RUNX2: variants seen among roughly 807,000 people sequenced by gnomAD.
The protein encoded by RUNX2 is RUNX family transcription factor 2, also known as runt-related transcription factor 2.
In RUNX2, 10 loss-of-function variants were observed where a neutral mutation model predicts 51.7. The observed-to-expected ratio is 0.19, with a 90% CI of 0.12 to 0.33. The LOEUF (loss-of-function observed/expected upper bound fraction) is 0.33, where lower values mean the gene tolerates loss of function less well. RUNX2 is among the 10% of genes least tolerant of loss of function. The pLI is 1.00. For synonymous variants in RUNX2, 276 were observed against 273.6 expected, an observed-to-expected ratio of 1.01 and a Z score of -0.09; for missense variants, 562 against 691.3, an observed-to-expected ratio of 0.81 and a Z score of 2.10.
chr6:45,364,075 A>G (rs1302333635), intron 2 of RUNX2, among the ~76,000 whole-genome samples: 1 of 151,570 alleles, frequency 6.6e-6, no homozygotes, highest in Non-Finnish European at 1.5e-5. Flanking sequence ...AGATTGTGCC[A>G]CTGCACTACA....
At chr6:45,449,652 C>T (rs1030918298) in intron 5 of RUNX2, among the ~76,000 whole-genome samples, 1 of 152,146 alleles carries the variant, frequency 6.6e-6, no homozygotes, top group Non-Finnish European at 1.5e-5. Flanking sequence ...GCAGTAGCAT[C>T]GCTGAATAGT....
At chr6:45,347,287 T>G (rs1052805392) in intron 2 of RUNX2, among the ~76,000 whole-genome samples, 1 of 152,188 alleles carries the variant, frequency 6.6e-6, no homozygotes, top group African/African-American at 2.4e-5. Context: ...ATGAATTCGA[T>G]TTCACTGATA....
At chr6:45,450,679 A>G (rs2150379772) in intron 5 of RUNX2, among the ~76,000 whole-genome samples, 1 of 152,302 alleles carries the variant, frequency 6.6e-6, no homozygotes, top group East Asian at 1.9e-4. Flanking sequence ...GCACAGACCT[A>G]AAGGGTGAGA....
intron 1 of RUNX2, 84 bp downstream of exon 1, chr6:45,328,544 C>A: frequency 3.2e-6 from 5 of 1,572,976 alleles, no homozygotes; most frequent in Non-Finnish European, 4.3e-6. Flanking sequence ...TGTTTCTTTG[C>A]TTTTCACATG....
intron 7 of RUNX2, among the ~76,000 whole-genome samples, chr6:45,516,504 C>T (rs985789452): frequency 6.6e-6 from 1 of 152,224 alleles, no homozygotes; most frequent in African/African-American, 2.4e-5. Flanking sequence ...ACCATACTTA[C>T]ATTGATACAT....
At chr6:45,360,000 T>C (rs1256359114) in intron 2 of RUNX2, among the ~76,000 whole-genome samples, 1 of 152,222 alleles carries the variant, frequency 6.6e-6, no homozygotes, top group East Asian at 1.9e-4. Context: ...TGAAAAAACA[T>C]TTAGCTTTCA....
intron 6 of RUNX2, among the ~76,000 whole-genome samples, chr6:45,498,991 C>T (rs1300598281): frequency 2.0e-5 from 3 of 152,024 alleles, no homozygotes; most frequent in Non-Finnish European, 4.4e-5. Context: ...TGGATGGACC[C>T]ATAAGAGGCT....
chr6:45,334,449 C>CTAA, intron 2 of RUNX2, among the ~76,000 whole-genome samples: 1 of 91,760 alleles, frequency 1.1e-5, no homozygotes, highest in African/African-American at 4.3e-5. Context: ...TCAGGAAAAG[C>CTAA]AAAAAAAAAA....
intron 2 of RUNX2, among the ~76,000 whole-genome samples, chr6:45,404,566 T>C (rs1210089509): frequency 6.6e-6 from 1 of 152,228 alleles, no homozygotes; most frequent in Non-Finnish European, 1.5e-5. Flanking sequence ...TTAACATGTA[T>C]TAATCGATTC....
intron 2 of RUNX2, among the ~76,000 whole-genome samples, chr6:45,340,299 G>C (rs2150128789): frequency 6.6e-6 from 1 of 152,102 alleles, no homozygotes; most frequent in East Asian, 1.9e-4. Context: ...AGTATATCAA[G>C]GAATAAGATT....
rs571770781 is a variant in RUNX2, at chr6:45,417,047, CAG to C, written c.59-5545_59-5544del. Among the ~76,000 whole-genome samples, 126 of 152,258 alleles carry C rather than the reference CAG, an allele frequency of 8.3e-4. 1 individual carries two copies. Among genetic ancestry groups the C allele is most frequent in the African/African-American group, 3.0e-3 (123 of 41,534 alleles). ...TTTACTGAGCTTAAAACAAATCAGA[CAG>C]TATTTAACGGTATAAAAAGTTAAAA... On this transcript the variant is annotated intron_variant, in intron 2 of 8. Coordinates refer to ENST00000647337, the MANE Select transcript of RUNX2 (RefSeq NM_001024630.4).
chr6:45,367,773 C>G (rs946331036), intron 2 of RUNX2, among the ~76,000 whole-genome samples: 5 of 152,118 alleles, frequency 3.3e-5, no homozygotes, highest in African/African-American at 1.2e-4. Context: ...CAATCTGCTC[C>G]TTTTTCATTT....
chr6:45,487,052 T>C (rs145399330), intron 5 of RUNX2, among the ~76,000 whole-genome samples: 164 of 152,352 alleles, frequency 1.1e-3, no homozygotes, highest in African/African-American at 3.7e-3. Context: ...GTGAATGCTG[T>C]GACCTTTTGA....
chr6:45,502,024 G>C (rs73737443), intron 6 of RUNX2, among the ~76,000 whole-genome samples: 9,581 of 152,256 alleles, frequency 0.063, 422 homozygotes, highest in African/African-American at 0.11. Flanking sequence ...ATGTGGAGTA[G>C]TAATCCCAGA....
intron 5 of RUNX2, among the ~76,000 whole-genome samples, chr6:45,475,488 T>C (rs1282167713): frequency 6.6e-6 from 1 of 152,226 alleles, no homozygotes; most frequent in Non-Finnish European, 1.5e-5. Flanking sequence ...GGCATGGAGA[T>C]ATAATATCAC....
chr6:45,521,956 T>C (rs1183793363), intron 7 of RUNX2, among the ~76,000 whole-genome samples: 4 of 152,174 alleles, frequency 2.6e-5, no homozygotes, highest in Non-Finnish European at 4.4e-5. Context: ...TATTTACTTT[T>C]AGAGCTGTTT....
rs116515803 is a variant in RUNX2 at position 45,425,869 on chromosome 6, G to A, written c.423+2912G>A. Among the ~76,000 whole-genome samples the A allele has an allele frequency of 9.4e-3, 1,429 of 151,550 alleles. 14 individuals carry two copies. Among genetic ancestry groups the A allele is most frequent in the Non-Finnish European group, 0.015 (1,023 of 67,706 alleles). ...GTGGTTGTCAGGTCAATAGCAGATA[G>A]GTAAATGGATTTAAACACACACATA... is the stretch of plus-strand genomic sequence containing the variant. On this transcript the variant is annotated intron_variant, in intron 3 of 8. Transcript: ENST00000647337.
intron 2 of RUNX2, among the ~76,000 whole-genome samples, chr6:45,412,668 T>C (rs967844147): frequency 1.3e-5 from 2 of 150,990 alleles, no homozygotes; most frequent in African/African-American, 2.5e-5. Flanking sequence ...AACAGTTTTT[T>C]TCCTACTTTT....
At chr6:45,535,885 G>C (rs1277927910) in intron 7 of RUNX2, among the ~76,000 whole-genome samples, 2 of 151,992 alleles carry the variant, frequency 1.3e-5, no homozygotes, top group Non-Finnish European at 2.9e-5. Context: ...GGTATGACTG[G>C]ATTATAGAGT....
Sources: allele counts gnomAD v4.1 joint callset (sites outside exome capture counted in the v4.1 genomes callset), GRCh38; gene constraint gnomAD v4.1.1; transcripts MANE v1.5; gene names NCBI Gene and HGNC (gene_info 2026-07-23, HGNC 2026-07-21).